Variants in XRCC4 observed in about 807,000 individuals in gnomAD.
The protein encoded by XRCC4 is X-ray repair cross complementing 4.
A neutral mutation model predicts 39.1 loss-of-function variants in XRCC4; 28 were observed. The observed-to-expected ratio is 0.72, with a 90% CI of 0.53 to 0.98. XRCC4 has a LOEUF of 0.98. Among genes scored for constraint, XRCC4 ranks in the 50% least tolerant of loss-of-function variants. The pLI is 0.00. For missense variants in XRCC4, 350 were observed against 376.4 expected (o/e 0.93, Z 0.58); for synonymous variants, 123 against 126.4 (o/e 0.97, Z 0.18).
chr5:83,166,590 A>C (rs1440858606), intron 3 of XRCC4, among the ~76,000 whole-genome samples: 1 of 151,124 alleles, frequency 6.6e-6, no homozygotes, highest in African/African-American at 2.4e-5. Flanking sequence ...CAGCCTCCCA[A>C]GCAGCTGGGT....
chr5:83,079,882 C>T (rs1179197222), intron 1 of XRCC4, among the ~76,000 whole-genome samples: 3 of 152,056 alleles, frequency 2.0e-5, no homozygotes, highest in African/African-American at 7.2e-5. Context: ...AGAATATTTC[C>T]AACTTTGGTT....
At chr5:83,241,236 C>CCA (rs1752896720) in intron 6 of XRCC4, among the ~76,000 whole-genome samples, 1 of 134,452 alleles carries the variant, frequency 7.4e-6, no homozygotes. Flanking sequence ...AAGTAAGACT[C>CCA]TGTCAAAAAA....
chr5:83,326,730 C>T (rs1314379862), intron 7 of XRCC4, among the ~76,000 whole-genome samples: 1 of 152,010 alleles, frequency 6.6e-6, no homozygotes, highest in East Asian at 1.9e-4. Flanking sequence ...TGCCAGAAAG[C>T]AGCTTGTAAT....
intron 7 of XRCC4, among the ~76,000 whole-genome samples, chr5:83,346,289 CACTTATAATA>C (rs1469213523): frequency 6.6e-6 from 1 of 152,084 alleles, no homozygotes; most frequent in African/African-American, 2.4e-5. Flanking sequence ...GCTCTAAGAT[CACTTATAATA>C]ACCTCAACCT....
intron 1 of XRCC4, among the ~76,000 whole-genome samples, chr5:83,079,319 A>T (rs946750319): frequency 6.6e-6 from 1 of 152,190 alleles, no homozygotes; most frequent in Admixed American, 6.5e-5. Context: ...TAAAACATCA[A>T]AGTTAATCTG....
intron 3 of XRCC4, among the ~76,000 whole-genome samples, chr5:83,139,511 A>T (rs182082529): frequency 6.6e-6 from 1 of 152,192 alleles, no homozygotes; most frequent in Non-Finnish European, 1.5e-5. Flanking sequence ...TTGTTTCATT[A>T]TACTTTTACC....
At chr5:83,333,463 A>T (rs1167981395) in intron 7 of XRCC4, among the ~76,000 whole-genome samples, 2 of 152,196 alleles carry the variant, frequency 1.3e-5, no homozygotes, top group Non-Finnish European at 2.9e-5. Flanking sequence ...AGTTAATAAT[A>T]ACCATTTATT....
intron 2 of XRCC4, among the ~76,000 whole-genome samples, chr5:83,105,931 GT>G (rs1746176161): frequency 1.3e-5 from 2 of 151,856 alleles, no homozygotes; most frequent in Non-Finnish European, 1.5e-5. Flanking sequence ...GTAAAATTTT[GT>G]TTCTTTCTTG....
chr5:83,168,708 A>C (rs953362235), intron 3 of XRCC4, among the ~76,000 whole-genome samples: 1 of 152,214 alleles, frequency 6.6e-6, no homozygotes, highest in East Asian at 1.9e-4. Context: ...TTCCTCACAA[A>C]TATCAAGCAC....
In XRCC4 at chr5:83,262,738, T is replaced by C. The variant is rs118144282; in HGVS notation, c.893+4061T>C. 2.8e-3 allele frequency among the ~76,000 whole-genome samples: 432 copies of C among 151,836 alleles called. 12 individuals are homozygous for C. In the East Asian group the frequency reaches 0.072, roughly 25 times the overall value. On this transcript the variant is annotated intron_variant, in intron 7 of 7. Coordinates refer to ENST00000396027, the MANE Select transcript of XRCC4 (RefSeq NM_003401.5). Reference sequence around the variant, plus strand: ...AAGTTGCTTTTACCAATAAAAATACTAAATAGTATTTCAAGTGAATACTGG... The same window carrying C: ...AAGTTGCTTTTACCAATAAAAATACCAAATAGTATTTCAAGTGAATACTGG...
rs770076153 is a variant in XRCC4, at chr5:83,203,717, C to T, written c.638+10C>T. 3.7e-6 allele frequency: 6 copies of T among 1,607,064 alleles called. No individual in the cohort carries two copies. Among genetic ancestry groups the T allele is most frequent in the Non-Finnish European group, 5.1e-6 (6 of 1,177,320 alleles). Reference sequence around the variant, plus strand: ...ACATCAAACAAGAAGGGTATTTTCGCTATCTTGTTTTTGGATGACAGATGA... The same window carrying T: ...ACATCAAACAAGAAGGGTATTTTCGTTATCTTGTTTTTGGATGACAGATGA... On this transcript the variant is annotated intron_variant, in intron 5 of 7. Transcript: ENST00000396027.
chr5:83,193,383 T>C (rs1580352972), intron 3 of XRCC4, among the ~76,000 whole-genome samples: 1 of 152,224 alleles, frequency 6.6e-6, no homozygotes, highest in Non-Finnish European at 1.5e-5. Flanking sequence ...TCCTTATCTA[T>C]TGAAGGACTA....
At chr5:83,166,311 T>C (rs564838037) in intron 3 of XRCC4, among the ~76,000 whole-genome samples, 1 of 152,218 alleles carries the variant, frequency 6.6e-6, no homozygotes, top group Admixed American at 6.5e-5. Flanking sequence ...AATAGAAAGA[T>C]TCATATTCCT....
intron 7 of XRCC4, among the ~76,000 whole-genome samples, chr5:83,285,707 G>A (rs894572053): frequency 6.6e-6 from 1 of 152,190 alleles, no homozygotes; most frequent in Non-Finnish European, 1.5e-5. Context: ...GTCAAGGGGG[G>A]GTTGTTTGTT....
At chr5:83,175,575 G>A (rs1402350560) in intron 3 of XRCC4, among the ~76,000 whole-genome samples, 1 of 152,082 alleles carries the variant, frequency 6.6e-6, no homozygotes, top group Non-Finnish European at 1.5e-5. Flanking sequence ...GGAGGCCAAG[G>A]TGGGAGGATT....
intron 3 of XRCC4, among the ~76,000 whole-genome samples, chr5:83,116,636 T>TGATA (rs1746731804): frequency 7.8e-6 from 1 of 128,194 alleles, no homozygotes; most frequent in African/African-American, 3.0e-5. Flanking sequence ...TTTTTTTTTT[T>TGATA]TTTGAGATGG....
At chr5:83,222,802 G>GAGT (rs1165441312) in intron 6 of XRCC4, among the ~76,000 whole-genome samples, 1 of 152,006 alleles carries the variant, frequency 6.6e-6, no homozygotes, top group African/African-American at 2.4e-5. Context: ...GGCTTGAGTG[G>GAGT]AGTGGTGCGA....
In XRCC4 at chr5:83,129,411, A is replaced by C. The variant is rs1462036011; in HGVS notation, c.315+18208A>C. ...GTATAGTTTGAAGTCAGGTAGCATG[A>C]TGCCTCCAGCTTTGTTCTTTTTGCT... On this transcript the variant is annotated intron_variant, in intron 3 of 7. Coordinates refer to ENST00000396027, the MANE Select transcript of XRCC4 (RefSeq NM_003401.5). Among the ~76,000 whole-genome samples the C allele has an allele frequency of 3.3e-5, 5 of 152,098 alleles. No individual in the cohort carries two copies. The East Asian group carries it at 9.7e-4, about 29-fold the overall frequency.
At chr5:83,276,462 G>GAATGGATTAATC (rs1754339743) in intron 7 of XRCC4, among the ~76,000 whole-genome samples, 1 of 108,892 alleles carries the variant, frequency 9.2e-6, no homozygotes, top group African/African-American at 5.2e-5. Context: ...ATGGATTAAT[G>GAATGGATTAATC]CATTAATGGG....
Sources: allele counts gnomAD v4.1 joint callset (sites outside exome capture counted in the v4.1 genomes callset), GRCh38; gene constraint gnomAD v4.1.1; transcripts MANE v1.5; gene names NCBI Gene and HGNC (gene_info 2026-07-23, HGNC 2026-07-21).